Variants in AOPEP observed in about 807,000 individuals in gnomAD.
AOPEP encodes aminopeptidase O.
A neutral mutation model predicts 98.1 loss-of-function variants in AOPEP; 77 were observed. That is an observed-to-expected ratio of 0.78 (90% CI 0.65 to 0.95). The LOEUF (loss-of-function observed/expected upper bound fraction) is 0.95, where lower values mean the gene tolerates loss of function less well. Among genes scored for constraint, AOPEP ranks in the 40% least tolerant of loss-of-function variants. AOPEP has a pLI of 0.00. For missense variants in AOPEP, 1,024 were observed against 1,024.7 expected (o/e 1.00, Z 0.01); for synonymous variants, 346 against 365.3 (o/e 0.95, Z 0.60).
At chr9:94,900,180 C>T (rs2050198990) in intron 5 of AOPEP, among the ~76,000 whole-genome samples, 1 of 152,218 alleles carries the variant, frequency 6.6e-6, no homozygotes, top group Non-Finnish European at 1.5e-5. Context: ...GAGCCAACCT[C>T]TCAGCCTGAG....
At chr9:94,913,821 G>T (rs575312852) in intron 5 of AOPEP, among the ~76,000 whole-genome samples, 1 of 152,332 alleles carries the variant, frequency 6.6e-6, no homozygotes, top group African/African-American at 2.4e-5. Context: ...CATGCCAGTT[G>T]TTTGCTTAGT....
At chr9:94,938,061 G>A (rs1416854679) in intron 7 of AOPEP, among the ~76,000 whole-genome samples, 1 of 152,182 alleles carries the variant, frequency 6.6e-6, no homozygotes, top group Admixed American at 6.5e-5. Flanking sequence ...TTTTAGTGGA[G>A]ACAGGATTTC....
chr9:94,778,780 C>G (rs1273963906), intron 3 of AOPEP, among the ~76,000 whole-genome samples: 1 of 152,144 alleles, frequency 6.6e-6, no homozygotes, highest in Non-Finnish European at 1.5e-5. Flanking sequence ...GTAATCCCAA[C>G]ACTTTGAGAG....
chr9:95,011,523 C>T (rs987949421), intron 13 of AOPEP, among the ~76,000 whole-genome samples: 1 of 151,968 alleles, frequency 6.6e-6, no homozygotes, highest in Non-Finnish European at 1.5e-5. Flanking sequence ...TTAAGACTGC[C>T]GTTTTGCTGG....
chr9:94,800,166 C>G (rs979770410), intron 4 of AOPEP, among the ~76,000 whole-genome samples: 6 of 152,122 alleles, frequency 3.9e-5, no homozygotes, highest in African/African-American at 9.7e-5. Context: ...CCTCTGTATT[C>G]CTTAATAACA....
chr9:94,910,170 C>G (rs2051807876), intron 5 of AOPEP, among the ~76,000 whole-genome samples: 3 of 152,184 alleles, frequency 2.0e-5, no homozygotes, highest in Non-Finnish European at 4.4e-5. Flanking sequence ...ACCTTTCCTC[C>G]TCACCTCTAG....
At chr9:95,060,542 T>C in intron 13 of AOPEP, 152 bp from the exon 14 acceptor site, 1 of 663,928 alleles carries the variant, frequency 1.5e-6, no homozygotes, top group Non-Finnish European at 2.7e-6. Flanking sequence ...CCTGAGGAAT[T>C]ACAAAAGTCA....
chr9:94,941,164 G>A (rs1031348532), intron 7 of AOPEP, among the ~76,000 whole-genome samples: 10 of 152,210 alleles, frequency 6.6e-5, no homozygotes, highest in Non-Finnish European at 1.5e-5. Context: ...CCCCTCTGAA[G>A]GGCAACCCTT....
intron 3 of AOPEP, chr9:94,773,392 A>G (rs1449575923): frequency 2.3e-5 from 9 of 397,476 alleles, no homozygotes; most frequent in African/African-American, 1.6e-4. Context: ...TTGTCGGTTC[A>G]TAGACTATTT....
At chr9:95,070,166 C>T (rs978403308) in intron 14 of AOPEP, among the ~76,000 whole-genome samples, 1 of 152,364 alleles carries the variant, frequency 6.6e-6, no homozygotes. Context: ...GGGCAGTCCC[C>T]CACTGGAATG....
At chr9:95,038,979 G>T (rs900419347) in intron 13 of AOPEP, among the ~76,000 whole-genome samples, 1 of 152,096 alleles carries the variant, frequency 6.6e-6, no homozygotes, top group Non-Finnish European at 1.5e-5. Context: ...TTTGGCAATC[G>T]AAATGATCCT....
intron 5 of AOPEP, among the ~76,000 whole-genome samples, chr9:94,887,346 T>C (rs2048356764): frequency 6.7e-6 from 1 of 149,134 alleles, no homozygotes; most frequent in South Asian, 2.1e-4. Flanking sequence ...AGACCCTGTC[T>C]CCAAAATAAT....
chr9:94,951,016 GT>G (rs1392109959), intron 7 of AOPEP, among the ~76,000 whole-genome samples: 1 of 152,224 alleles, frequency 6.6e-6, no homozygotes, highest in Non-Finnish European at 1.5e-5. Context: ...CATTGCCTCT[GT>G]GGTTGTGGTG....
At chr9:95,034,736 A>G (rs2064630578) in intron 13 of AOPEP, among the ~76,000 whole-genome samples, 1 of 152,222 alleles carries the variant, frequency 6.6e-6, no homozygotes, top group Non-Finnish European at 1.5e-5. Context: ...ATTCTGATCA[A>G]CTGACAGTCT....
At chr9:95,102,007 G>T in the AOPEP span, among the ~76,000 whole-genome samples, 1 of 152,342 alleles carries the variant, frequency 6.6e-6, no homozygotes, top group East Asian at 1.9e-4. Flanking sequence ...TAGTTTGCAA[G>T]GTGATTAGCA....
intron 5 of AOPEP, among the ~76,000 whole-genome samples, chr9:94,901,757 T>C (rs145104655): frequency 0.021 from 3,149 of 151,978 alleles, 117 homozygotes; most frequent in African/African-American, 0.072. Flanking sequence ...CTGGCCAACA[T>C]AGCAAAACCC....
chr9:94,745,202 A>G (rs576333025), intron 1 of AOPEP, among the ~76,000 whole-genome samples: 1 of 152,234 alleles, frequency 6.6e-6, no homozygotes, highest in East Asian at 1.9e-4. Flanking sequence ...GTACCCATTA[A>G]CCATCCCCGT....
At chr9:95,137,568 G>A in the AOPEP span, among the ~76,000 whole-genome samples, 1 of 152,176 alleles carries the variant, frequency 6.6e-6, no homozygotes, top group Admixed American at 6.5e-5. Context: ...ATGAAAAGAA[G>A]AGAAGAAATG....
intron 5 of AOPEP, chr9:94,904,106 C>G (rs952809960): frequency 2.0e-5 from 3 of 152,092 alleles, no homozygotes; most frequent in African/African-American, 7.2e-5. Flanking sequence ...TTTGCTGCAT[C>G]TGCATTTGAG....
Sources: allele counts gnomAD v4.1 joint callset (sites outside exome capture counted in the v4.1 genomes callset), GRCh38; gene constraint gnomAD v4.1.1; transcripts MANE v1.5; gene names NCBI Gene and HGNC (gene_info 2026-07-23, HGNC 2026-07-21).